Variants in TUB observed in about 807,000 individuals in gnomAD.
The protein encoded by TUB is tubby protein homolog.
Under a neutral mutation model 59.7 loss-of-function variants are expected in TUB, and 33 were observed. The observed-to-expected ratio is 0.55, with a 90% confidence interval of 0.42 to 0.74. The LOEUF is 0.74. Among genes scored for constraint, TUB ranks in the 30% least tolerant of loss-of-function variants. The pLI is 0.00. For synonymous variants in TUB, 293 were observed against 256.4 expected, an observed-to-expected ratio of 1.14 and a Z score of -1.36; for missense variants, 659 against 672.0, an observed-to-expected ratio of 0.98 and a Z score of 0.21.
At chr11:8,054,094 G>A (rs929341642) in intron 2 of TUB, among the ~76,000 whole-genome samples, 2 of 151,876 alleles carry the variant, frequency 1.3e-5, no homozygotes, top group African/African-American at 4.8e-5. Flanking sequence ...CAGCCGGGGC[G>A]ACAGAGCGAG....
rs1253704506 is a variant in TUB at position 8,105,625 on chromosome 11, G to C, written c.*4006G>C. 6.6e-6 allele frequency: 1 copy of C among 152,136 alleles called. No homozygotes were observed. Among genetic ancestry groups the C allele is most frequent in the Admixed American group, 6.6e-5 (1 of 15,250 alleles). 9.4% of individuals were successfully genotyped at this position (152,136 alleles called of 1,614,324 possible). On this transcript the variant is annotated 3_prime_UTR_variant, in exon 12 of 12. Transcript: ENST00000299506. ...TCCATTTTCCTAACCACAAGATAAA[G>C]ATGTTACATTGTCAAAGCTTGCCGT...
intron 3 of TUB, among the ~76,000 whole-genome samples, chr11:8,092,193 A>T (rs1050718700): frequency 6.6e-6 from 1 of 152,142 alleles, no homozygotes; most frequent in African/African-American, 2.4e-5. Context: ...TGTAATCCCA[A>T]CACTTTGGGA....
At position 8,104,788 on chromosome 11, in the gene TUB, A is replaced by AGAGGAAGCACATAATGTCCAGATCT. The variant is rs1280714846; in HGVS notation, c.*3170_*3194dup. ...GCCTTAAAAATCAAGACACTAGTTCAGAGGAAGCACATAATGTCCAGATCT... is the reference window on the plus strand; with the variant it reads ...GCCTTAAAAATCAAGACACTAGTTCAGAGGAAGCACATAATGTCCAGATCTGAGGAAGCACATAATGTCCAGATCT... On this transcript the variant is annotated 3_prime_UTR_variant, in exon 12 of 12. Transcript: ENST00000299506. 2 of 152,218 alleles carry AGAGGAAGCACATAATGTCCAGATCT rather than the reference A, an allele frequency of 1.3e-5. No individual in the cohort carries two copies. Among genetic ancestry groups the AGAGGAAGCACATAATGTCCAGATCT allele is most frequent in the African/African-American group, 4.8e-5 (2 of 41,474 alleles). 9.4% of individuals were successfully genotyped at this position (152,218 alleles called of 1,614,324 possible).
chr11:8,051,303 A>G (rs1204349972), intron 2 of TUB, among the ~76,000 whole-genome samples: 2 of 152,200 alleles, frequency 1.3e-5, no homozygotes, highest in Non-Finnish European at 2.9e-5. Flanking sequence ...TTTTCATGTA[A>G]CATACTTTCC....
intron 3 of TUB, among the ~76,000 whole-genome samples, chr11:8,091,860 A>T (rs1943786852): frequency 6.6e-6 from 1 of 152,166 alleles, no homozygotes; most frequent in Non-Finnish European, 1.5e-5. Context: ...CCTGCCAGGA[A>T]GGTGGCCAAT....
intron 2 of TUB, among the ~76,000 whole-genome samples, chr11:8,053,997 C>T (rs1017955923): frequency 4.0e-5 from 6 of 151,754 alleles, no homozygotes; most frequent in African/African-American, 1.2e-4. Context: ...GCCCTGTAGT[C>T]CCAGCTACTC....
intron 2 of TUB, among the ~76,000 whole-genome samples, chr11:8,041,560 G>A (rs1357131561): frequency 6.6e-6 from 1 of 152,096 alleles, no homozygotes; most frequent in Non-Finnish European, 1.5e-5. Context: ...TGGCATCTTG[G>A]GATCATTTGA....
chr11:8,085,062 G>A (rs1189133752), intron 1 of TUB, among the ~76,000 whole-genome samples: 3 of 152,162 alleles, frequency 2.0e-5, no homozygotes, highest in Admixed American at 6.5e-5. Flanking sequence ...TTTGTAGGGA[G>A]TAGTGGGACT....
At chr11:8,058,245 T>A (rs1165386023) in intron 2 of TUB, among the ~76,000 whole-genome samples, 2 of 148,314 alleles carry the variant, frequency 1.3e-5, no homozygotes, top group Admixed American at 6.7e-5. Flanking sequence ...AAAGAAGCGG[T>A]ATAAATTTAA....
chr11:8,093,279 G>A (rs985441195), intron 3 of TUB, among the ~76,000 whole-genome samples: 4 of 152,088 alleles, frequency 2.6e-5, no homozygotes, highest in Admixed American at 6.5e-5. Flanking sequence ...GGCAGCAGGA[G>A]CAAGGGCCCT....
chr11:8,072,031 G>A (rs1308536611), intron 2 of TUB, among the ~76,000 whole-genome samples: 2 of 152,200 alleles, frequency 1.3e-5, no homozygotes, highest in Non-Finnish European at 2.9e-5. Context: ...CAGGATGGAG[G>A]TACAGGAAGG....
intron 9 of TUB, 73 bp downstream of exon 9, chr11:8,098,948 G>A: frequency 9.0e-7 from 1 of 1,109,582 alleles, no homozygotes; most frequent in Non-Finnish European, 1.4e-6. Flanking sequence ...CTGATCTAGG[G>A]GCTATCCCAT....
chr11:8,056,614 G>T (rs1943025566), intron 2 of TUB, among the ~76,000 whole-genome samples: 1 of 152,058 alleles, frequency 6.6e-6, no homozygotes, highest in Non-Finnish European at 1.5e-5. Flanking sequence ...GGGTACATAT[G>T]CGCATGGGAG....
At chr11:8,098,140 G>A (rs1453988851) in intron 8 of TUB, among the ~76,000 whole-genome samples, 1 of 152,000 alleles carries the variant, frequency 6.6e-6, no homozygotes, top group African/African-American at 2.4e-5. Flanking sequence ...TTGGCTCCAT[G>A]GTCAATGCCA....
intron 1 of TUB, among the ~76,000 whole-genome samples, chr11:8,025,479 T>C (rs974840185): frequency 6.6e-6 from 1 of 152,266 alleles, no homozygotes; most frequent in East Asian, 1.9e-4. Context: ...AAAACTTCCT[T>C]ATTGCTCTTC....
intron 8 of TUB, among the ~76,000 whole-genome samples, chr11:8,098,188 C>T (rs1383376245): frequency 1.3e-5 from 2 of 151,596 alleles, no homozygotes; most frequent in Admixed American, 6.6e-5. Flanking sequence ...AGGGAAGAGA[C>T]ACACAGCAAT....
At chr11:8,075,261 A>G (rs967278841) in intron 2 of TUB, among the ~76,000 whole-genome samples, 1 of 152,262 alleles carries the variant, frequency 6.6e-6, no homozygotes, top group Admixed American at 6.5e-5. Context: ...TTTCTAGAAT[A>G]GGAATTAATG....
In TUB at chr11:8,049,578, T is replaced by TATATAGATAGATAG. The variant is rs1055522231; in HGVS notation, c.203+9889_203+9890insTAGATAGATAGATA. ...ATTATGTGGTATATATATATATATA[T>TATATAGATAGATAG]ATAGATAGATAGATAGATAGATAGA... is the stretch of plus-strand genomic sequence containing the variant. On this transcript the variant is annotated intron_variant, in intron 2 of 12. Transcript: ENST00000305253. Among the ~76,000 whole-genome samples the TATATAGATAGATAG allele has an allele frequency of 4.7e-3, 400 of 85,914 alleles. 2 individuals are homozygous for TATATAGATAGATAG. Among genetic ancestry groups the TATATAGATAGATAG allele is most frequent in the African/African-American group, 0.012 (351 of 28,552 alleles). 56.4% of individuals were successfully genotyped at this position (85,914 alleles called of 152,430 possible). A position where few individuals can be genotyped will look rare whatever the true frequency, so the allele number is the denominator to read the frequency against.
At chr11:8,097,620 C>G in intron 7 of TUB, 94 bp from the exon 8 acceptor site, 1 of 1,327,514 alleles carries the variant, frequency 7.5e-7, no homozygotes, top group Non-Finnish European at 1.1e-6. Flanking sequence ...CGTTTGGGAG[C>G]TGACGCAACG....
Sources: allele counts gnomAD v4.1 joint callset (sites outside exome capture counted in the v4.1 genomes callset), GRCh38; gene constraint gnomAD v4.1.1; transcripts MANE v1.5; gene names NCBI Gene and HGNC (gene_info 2026-07-23, HGNC 2026-07-21).